TAS2R1: variants seen among roughly 807,000 people sequenced by gnomAD.
The protein encoded by TAS2R1 is taste 2 receptor member 1.
For missense variants in TAS2R1, 370 were observed against 353.4 expected (o/e 1.05, Z -0.38); for synonymous variants, 141 against 134.2 (o/e 1.05, Z -0.35).
chr5:9,706,025 A>C (rs1490694351), intron 1 of TAS2R1, among the ~76,000 whole-genome samples: 1 of 152,224 alleles, frequency 6.6e-6, no homozygotes, highest in East Asian at 1.9e-4. Context: ...AGAAGCTAGA[A>C]GTCCCTTTGG....
rs1739848179 is a variant in TAS2R1, at chr5:9,630,184, TTATG to T, written c.-156_-153del. ...GGGCAGGAAGGTGGTGTACATTTGT[TTATG>T]TCACTGCTTTCTCTATTTAGTTCTG... On this transcript the variant is annotated 5_prime_UTR_variant, in exon 1 of 1. Transcript: ENST00000382492. 1.7e-6 allele frequency: 1 copy of T among 571,880 alleles called. No homozygotes were observed. The highest frequency in any genetic ancestry group is 3.0e-6 in the Non-Finnish European group (1 of 336,600). 35.4% of individuals were successfully genotyped at this position (571,880 alleles called of 1,614,324 possible).
chr5:9,680,773 C>T (rs1201579687), intron 1 of TAS2R1, among the ~76,000 whole-genome samples: 1 of 152,146 alleles, frequency 6.6e-6, no homozygotes, highest in Non-Finnish European at 1.5e-5. Context: ...GGTATCATGG[C>T]TGGGCATGGT....
chr5:9,660,265 A>T, intron 1 of TAS2R1, among the ~76,000 whole-genome samples: 1 of 119,642 alleles, frequency 8.4e-6, no homozygotes, highest in African/African-American at 3.2e-5. Context: ...TTTAGTAGAG[A>T]CGGGGTTTCA....
the TAS2R1 span, among the ~76,000 whole-genome samples, chr5:9,842,125 T>C: frequency 1.3e-5 from 2 of 152,174 alleles, no homozygotes; most frequent in Non-Finnish European, 2.9e-5. Context: ...TGTAAAAACC[T>C]TCATCACTTG....
At chr5:9,841,092 T>C in the TAS2R1 span, among the ~76,000 whole-genome samples, 1 of 152,104 alleles carries the variant, frequency 6.6e-6, no homozygotes, top group Admixed American at 6.6e-5. Flanking sequence ...CTAACTTCCA[T>C]CATATTCATT....
At chr5:9,863,605 T>C in the TAS2R1 span, among the ~76,000 whole-genome samples, 3 of 152,154 alleles carry the variant, frequency 2.0e-5, no homozygotes, top group Non-Finnish European at 2.9e-5. Context: ...GCAGACTTGC[T>C]TTTCTTCCTA....
the TAS2R1 span, among the ~76,000 whole-genome samples, chr5:9,721,453 G>A: frequency 6.6e-6 from 1 of 152,178 alleles, no homozygotes; most frequent in Non-Finnish European, 1.5e-5. Flanking sequence ...CATTATATAA[G>A]AGTGAAACAA....
intron 2 of TAS2R1, among the ~76,000 whole-genome samples, chr5:9,650,249 T>A (rs972886947): frequency 6.6e-6 from 1 of 152,090 alleles, no homozygotes; most frequent in Non-Finnish European, 1.5e-5. Context: ...TTGTTTGTGG[T>A]TGCCTTTGCC....
the TAS2R1 span, among the ~76,000 whole-genome samples, chr5:9,842,504 G>A: frequency 6.6e-6 from 1 of 151,740 alleles, no homozygotes; most frequent in Non-Finnish European, 1.5e-5. Context: ...TTGTATTTTA[G>A]TAGAGAAGGG....
chr5:9,756,669 G>C, the TAS2R1 span, among the ~76,000 whole-genome samples: 1 of 152,016 alleles, frequency 6.6e-6, no homozygotes, highest in East Asian at 1.9e-4. Context: ...GGGGCCTTTG[G>C]GAAATTTCAA....
chr5:9,797,490 G>C, the TAS2R1 span, among the ~76,000 whole-genome samples: 1 of 152,138 alleles, frequency 6.6e-6, no homozygotes, highest in African/African-American at 2.4e-5. Context: ...TTTAGCAGGA[G>C]ACAGAAGAAA....
At chr5:9,708,043 AT>A (rs768470545) in intron 1 of TAS2R1, among the ~76,000 whole-genome samples, 2 of 152,182 alleles carry the variant, frequency 1.3e-5, no homozygotes, top group Admixed American at 6.5e-5. Flanking sequence ...TCAACTATGA[AT>A]ATTCTGTCTT....
intron 2 of TAS2R1, among the ~76,000 whole-genome samples, chr5:9,657,638 C>A (rs539298088): frequency 6.6e-6 from 1 of 152,278 alleles, no homozygotes; most frequent in East Asian, 1.9e-4. Flanking sequence ...TGAAACAACC[C>A]AGACTCATGA....
chr5:9,850,132 A>G, the TAS2R1 span, among the ~76,000 whole-genome samples: 2 of 151,418 alleles, frequency 1.3e-5, no homozygotes, highest in East Asian at 3.9e-4. Flanking sequence ...CAGCCCAAAC[A>G]CCTATCCCCT....
chr5:9,711,751 C>CT (rs1734669973), intron 1 of TAS2R1, among the ~76,000 whole-genome samples: 1 of 152,132 alleles, frequency 6.6e-6, no homozygotes, highest in Admixed American at 6.5e-5. Context: ...CAAACTCTAC[C>CT]TCCCAGGTTT....
the TAS2R1 span, among the ~76,000 whole-genome samples, chr5:9,767,273 G>A: frequency 2.6e-5 from 4 of 151,502 alleles, no homozygotes; most frequent in African/African-American, 9.7e-5. Context: ...CTCTCTCTAC[G>A]TCGGTGCTCA....
At chr5:9,713,768 A>AG (rs1734749385), upstream of TAS2R1, 1 of 152,214 alleles carries the variant, frequency 6.6e-6, no homozygotes, top group African/African-American at 2.4e-5. Context: ...AAATAACAGG[A>AG]GAAATTGATC....
chr5:9,851,256 T>G, the TAS2R1 span, among the ~76,000 whole-genome samples: 1 of 152,144 alleles, frequency 6.6e-6, no homozygotes, highest in African/African-American at 2.4e-5. Context: ...CAGAATCGAG[T>G]TGAAAACCTT....
chr5:9,712,255 G>A (rs2126533985), upstream of TAS2R1: 1 of 152,220 alleles, frequency 6.6e-6, no homozygotes, highest in African/African-American at 2.4e-5. Context: ...CAGGTTCTCT[G>A]GAATCCAGCC....
Sources: allele counts gnomAD v4.1 joint callset (sites outside exome capture counted in the v4.1 genomes callset), GRCh38; gene constraint gnomAD v4.1.1; transcripts MANE v1.5; gene names NCBI Gene and HGNC (gene_info 2026-07-23, HGNC 2026-07-21).